Variants in TRPC7 observed in about 807,000 individuals in gnomAD.
The protein encoded by TRPC7 is transient receptor potential cation channel subfamily C member 7.
In TRPC7, 42 loss-of-function variants were observed where a neutral mutation model predicts 90.1. The ratio of observed to expected loss-of-function variants is 0.47; its 90% CI spans 0.36 to 0.60. TRPC7 has a LOEUF of 0.60. Among genes scored for constraint, TRPC7 ranks in the 20% least tolerant of loss-of-function variants. TRPC7 has a pLI of 0.00. For synonymous variants in TRPC7, 451 were observed against 436.3 expected (o/e 1.03, Z -0.42); for missense variants, 955 against 1,112.3 (o/e 0.86, Z 2.01).
intron 2 of TRPC7, among the ~76,000 whole-genome samples, chr5:136,346,060 C>T (rs1759993994): frequency 6.6e-6 from 1 of 152,020 alleles, no homozygotes; most frequent in Non-Finnish European, 1.5e-5. Flanking sequence ...TTCCATTGGT[C>T]TATATCTCAC....
rs758194798 is a variant in TRPC7, at chr5:136,247,455, G to A, written c.1844+16C>T. 1 of 1,595,732 alleles carries A rather than the reference G, an allele frequency of 6.3e-7. No individual in the cohort carries two copies. Among genetic ancestry groups the A allele is most frequent in the Non-Finnish European group, 8.6e-7 (1 of 1,169,036 alleles). ...AGCCCAGGGAGAACCTCAGGGGAAA[G>A]CTCTCAGATACTCACGTTGTAAACG... is the stretch of plus-strand genomic sequence containing the variant. On this transcript the variant is annotated intron_variant, in intron 7 of 11. Coordinates refer to ENST00000513104, the MANE Select transcript of TRPC7 (RefSeq NM_020389.3). The surrounding 1 kb of genome is among the most constrained non-coding windows in gnomAD (Gnocchi z 4.2).
intron 3 of TRPC7, among the ~76,000 whole-genome samples, chr5:136,278,614 A>G (rs1757446029): frequency 6.6e-6 from 1 of 152,238 alleles, no homozygotes; most frequent in African/African-American, 2.4e-5. Flanking sequence ...TAGGGGTTTA[A>G]AGAGATGGAC....
At chr5:136,282,503 T>C (rs1580896901) in intron 3 of TRPC7, among the ~76,000 whole-genome samples, 1 of 152,242 alleles carries the variant, frequency 6.6e-6, no homozygotes, top group Non-Finnish European at 1.5e-5. Flanking sequence ...TATATGATAA[T>C]GCTGATGTAG....
At chr5:136,354,398 T>C (rs2149859825) in intron 2 of TRPC7, among the ~76,000 whole-genome samples, 1 of 152,326 alleles carries the variant, frequency 6.6e-6, no homozygotes, top group Admixed American at 6.5e-5. Flanking sequence ...GGGTCTCAGA[T>C]GGGGGACAGA....
chr5:136,283,108 A>C (rs1326037055), intron 3 of TRPC7, among the ~76,000 whole-genome samples: 2 of 152,206 alleles, frequency 1.3e-5, no homozygotes, highest in Non-Finnish European at 2.9e-5. Flanking sequence ...TTGCTGGGAC[A>C]CATGCTGTGG....
At position 136,321,463 on chromosome 5, in the gene TRPC7, G is replaced by A. The variant is rs140385798; in HGVS notation, c.781-5684C>T. The stretch of plus-strand genomic sequence containing the variant: ...GAAAGCCATTTAACTCTTACGCATC[G>A]CAGCTTTCCATCTGTACTAAGGTAC... On this transcript the variant is annotated intron_variant, in intron 2 of 11. Transcript: ENST00000513104. 3.3e-5 allele frequency among the ~76,000 whole-genome samples: 5 copies of A among 152,230 alleles called. No individual in the cohort carries two copies. In the East Asian group the frequency reaches 5.8e-4, roughly 18 times the overall value.
chr5:136,228,474 T>C (rs986347930), intron 8 of TRPC7, among the ~76,000 whole-genome samples: 5 of 149,396 alleles, frequency 3.3e-5, no homozygotes, highest in African/African-American at 1.2e-4. Context: ...CTTATTTAAA[T>C]GCTGACAGGA....
chr5:136,344,019 G>T (rs924463649), intron 2 of TRPC7, among the ~76,000 whole-genome samples: 19 of 152,100 alleles, frequency 1.2e-4, no homozygotes, highest in African/African-American at 4.3e-4. Flanking sequence ...CAAAGACAGA[G>T]AATCAACCTC....
At chr5:136,266,575 A>G (rs1757040861) in intron 4 of TRPC7, 139 bp from the exon 5 acceptor site, 1 of 753,298 alleles carries the variant, frequency 1.3e-6, no homozygotes, top group Non-Finnish European at 2.1e-6. Flanking sequence ...CCCATACAAC[A>G]TTTTTTCTTG....
intron 3 of TRPC7, among the ~76,000 whole-genome samples, chr5:136,284,494 C>T (rs1056552091): frequency 2.0e-5 from 3 of 152,206 alleles, no homozygotes; most frequent in African/African-American, 7.2e-5. Context: ...GCCACATCTA[C>T]CTACACTCAA....
At chr5:136,309,600 C>T (rs562419821) in intron 3 of TRPC7, among the ~76,000 whole-genome samples, 142 of 152,214 alleles carry the variant, frequency 9.3e-4, no homozygotes, top group South Asian at 3.5e-3. Context: ...CTATAAGTGG[C>T]GAGCAGAAAC....
intron 3 of TRPC7, among the ~76,000 whole-genome samples, chr5:136,287,403 G>A (rs911216189): frequency 1.3e-5 from 2 of 151,974 alleles, no homozygotes; most frequent in African/African-American, 4.8e-5. Context: ...GGAAAGGGGA[G>A]TGGGGTTTGA....
chr5:136,303,056 C>G (rs1008822563), intron 3 of TRPC7, among the ~76,000 whole-genome samples: 1 of 152,192 alleles, frequency 6.6e-6, no homozygotes, highest in Non-Finnish European at 1.5e-5. Flanking sequence ...TCCTCACACC[C>G]GGTCTGGCTT....
At chr5:136,347,594 C>A (rs1053449575) in intron 2 of TRPC7, among the ~76,000 whole-genome samples, 1 of 152,192 alleles carries the variant, frequency 6.6e-6, no homozygotes, top group East Asian at 1.9e-4. Context: ...CCTTTCCATT[C>A]TGGAGTTATC....
intron 3 of TRPC7, among the ~76,000 whole-genome samples, chr5:136,294,476 G>T (rs369108810): frequency 6.6e-6 from 1 of 151,916 alleles, no homozygotes; most frequent in Non-Finnish European, 1.5e-5. Context: ...AAAAGTGGGC[G>T]AAGGATATGA....
chr5:136,314,134 T>G (rs571277411), intron 3 of TRPC7: 11 of 152,332 alleles, frequency 7.2e-5, no homozygotes, highest in African/African-American at 2.6e-4. Flanking sequence ...AAGCATCTTC[T>G]TTTGTGTGGT....
At chr5:136,333,202 C>A (rs1039429865) in intron 2 of TRPC7, among the ~76,000 whole-genome samples, 10 of 152,170 alleles carry the variant, frequency 6.6e-5, no homozygotes, top group African/African-American at 2.2e-4. Flanking sequence ...ACATCAAAGA[C>A]AGGCTCTTAG....
At chr5:136,262,223 A>G (rs1756883084) in intron 5 of TRPC7, among the ~76,000 whole-genome samples, 1 of 152,138 alleles carries the variant, frequency 6.6e-6, no homozygotes, top group South Asian at 2.1e-4. Context: ...TTAAAAACTG[A>G]AGTCGTATGA....
intron 7 of TRPC7, among the ~76,000 whole-genome samples, chr5:136,241,845 C>T (rs546675052): frequency 4.6e-5 from 7 of 152,292 alleles, no homozygotes; most frequent in African/African-American, 1.7e-4. Context: ...TGTGAGCCAC[C>T]GCGCCCAGCC....
Sources: gnomAD v4.1 joint callset for allele counts (sites outside exome capture counted in the v4.1 genomes callset) on GRCh38, gnomAD v4.1.1 for gene constraint, Gnocchi (gnomAD v3.1) non-coding constraint, MANE v1.5 for transcripts, NCBI Gene and HGNC (gene_info 2026-07-23, HGNC 2026-07-21) for gene names.